TEAD1: variants seen among roughly 807,000 people sequenced by gnomAD.
TEAD1 encodes TEA domain transcription factor 1.
In TEAD1, 9 loss-of-function variants were observed where a neutral mutation model predicts 54.9. The ratio of observed to expected loss-of-function variants is 0.16; its 90% CI spans 0.10 to 0.29. The LOEUF is 0.29. Ranked by LOEUF, TEAD1 falls within the 10% of genes least tolerant of loss-of-function variation. TEAD1 has a pLI of 1.00. For synonymous variants in TEAD1, 200 were observed against 187.8 expected, an observed-to-expected ratio of 1.07 and a Z score of -0.53; for missense variants, 387 against 535.9, an observed-to-expected ratio of 0.72 and a Z score of 2.74.
At chr11:12,918,750 C>T (rs1253819630) in intron 10 of TEAD1, among the ~76,000 whole-genome samples, 2 of 152,124 alleles carry the variant, frequency 1.3e-5, no homozygotes, top group Non-Finnish European at 2.9e-5. Context: ...GCAAATGTCC[C>T]TAAGTAATAG....
intron 2 of TEAD1, among the ~76,000 whole-genome samples, chr11:12,735,718 A>G (rs944888825): frequency 1.3e-5 from 2 of 152,010 alleles, no homozygotes; most frequent in South Asian, 2.1e-4. Flanking sequence ...CATGATTTCT[A>G]TACATATATC....
At chr11:12,684,399 T>C (rs1331323714) in intron 2 of TEAD1, among the ~76,000 whole-genome samples, 1 of 152,138 alleles carries the variant, frequency 6.6e-6, no homozygotes, top group Non-Finnish European at 1.5e-5. Context: ...TGGGGTTGGG[T>C]TGTAAAAGTT....
intron 3 of TEAD1, among the ~76,000 whole-genome samples, chr11:12,811,915 C>T (rs1190868324): frequency 2.0e-5 from 3 of 151,974 alleles, no homozygotes; most frequent in African/African-American, 4.8e-5. Flanking sequence ...TGTTGTAGAT[C>T]GAACTTCTCC....
chr11:12,868,856 T>C (rs553768960), intron 5 of TEAD1, among the ~76,000 whole-genome samples: 134 of 90,678 alleles, frequency 1.5e-3, no homozygotes, highest in African/African-American at 3.7e-3. Flanking sequence ...TTTCTGTTAT[T>C]TTTCCAGTAG....
chr11:12,821,084 G>C (rs1397315110), intron 3 of TEAD1, among the ~76,000 whole-genome samples: 1 of 152,172 alleles, frequency 6.6e-6, no homozygotes, highest in Non-Finnish European at 1.5e-5. Flanking sequence ...TCCAGCTGCT[G>C]TCCAGGCCTT....
At chr11:12,752,041 C>T (rs913298527) in intron 2 of TEAD1, among the ~76,000 whole-genome samples, 3 of 152,172 alleles carry the variant, frequency 2.0e-5, no homozygotes, top group Non-Finnish European at 2.9e-5. Flanking sequence ...GCGTCTTCCA[C>T]ATCCTTGCAT....
At chr11:12,923,276 T>C (rs1481118946) in intron 10 of TEAD1, among the ~76,000 whole-genome samples, 1 of 152,160 alleles carries the variant, frequency 6.6e-6, no homozygotes, top group East Asian at 1.9e-4. Context: ...AGCGCTTCTT[T>C]CTGGCTCTGT....
At chr11:12,705,492 C>T (rs974496125) in intron 2 of TEAD1, among the ~76,000 whole-genome samples, 2 of 152,114 alleles carry the variant, frequency 1.3e-5, no homozygotes, top group Admixed American at 6.5e-5. Flanking sequence ...GGGTGTGGCA[C>T]CTGTCACCAT....
chr11:12,684,807 C>A (rs1232439732), intron 2 of TEAD1, among the ~76,000 whole-genome samples: 1 of 152,234 alleles, frequency 6.6e-6, no homozygotes, highest in Non-Finnish European at 1.5e-5. Context: ...GACTCGCTTC[C>A]TCTGGGCCTT....
intron 2 of TEAD1, among the ~76,000 whole-genome samples, chr11:12,753,313 C>T (rs754695333): frequency 4.6e-5 from 7 of 152,148 alleles, no homozygotes; most frequent in Non-Finnish European, 7.4e-5. Context: ...AGGAGGTATG[C>T]ATATAATCAG....
chr11:12,905,887 TG>T (rs1435687623), intron 10 of TEAD1, among the ~76,000 whole-genome samples: 1 of 152,190 alleles, frequency 6.6e-6, no homozygotes, highest in Non-Finnish European at 1.5e-5. Flanking sequence ...GTGAGGGGTT[TG>T]CTATGGAAGA....
At chr11:12,687,641 A>G (rs964558106) in intron 2 of TEAD1, among the ~76,000 whole-genome samples, 3 of 151,880 alleles carry the variant, frequency 2.0e-5, no homozygotes, top group Non-Finnish European at 4.4e-5. Context: ...CATTTAGTGT[A>G]TTTGCCCAGA....
intron 10 of TEAD1, among the ~76,000 whole-genome samples, chr11:12,924,698 C>T (rs942704311): frequency 6.6e-6 from 1 of 152,110 alleles, no homozygotes; most frequent in African/African-American, 2.4e-5. Flanking sequence ...AAAATTGATA[C>T]TTGTAGCATG....
chr11:12,722,115 C>T (rs1944215659), intron 2 of TEAD1, among the ~76,000 whole-genome samples: 2 of 152,200 alleles, frequency 1.3e-5, no homozygotes, highest in Non-Finnish European at 2.9e-5. Flanking sequence ...ATATTCACAC[C>T]AGGCTGGAAG....
At chr11:12,914,627 A>G (rs550664826) in intron 10 of TEAD1, among the ~76,000 whole-genome samples, 69 of 152,366 alleles carry the variant, frequency 4.5e-4, no homozygotes, top group African/African-American at 1.7e-3. Flanking sequence ...TCTTAGCCAG[A>G]AGGCACTTGC....
At chr11:12,750,560 C>G (rs1164085836) in intron 2 of TEAD1, among the ~76,000 whole-genome samples, 2 of 152,160 alleles carry the variant, frequency 1.3e-5, no homozygotes, top group Non-Finnish European at 2.9e-5. Flanking sequence ...GACAGACAGA[C>G]AGACAGACAC....
chr11:12,707,092 G>GA (rs1321397667), intron 2 of TEAD1, among the ~76,000 whole-genome samples: 1 of 148,230 alleles, frequency 6.7e-6, no homozygotes, highest in African/African-American at 2.5e-5. Flanking sequence ...AGGCTTAAGG[G>GA]AAAGAAATAG....
intron 12 of TEAD1, among the ~76,000 whole-genome samples, chr11:12,934,304 C>T (rs771720718): frequency 1.2e-4 from 18 of 152,014 alleles, no homozygotes; most frequent in Admixed American, 2.6e-4. Context: ...AACCAAACAC[C>T]GCATGTTCTC....
intron 3 of TEAD1, among the ~76,000 whole-genome samples, chr11:12,852,335 C>T (rs895791344): frequency 3.3e-5 from 5 of 152,068 alleles, no homozygotes; most frequent in African/African-American, 1.2e-4. Context: ...AGACAAATGC[C>T]TGCAAGATGA....
Sources: allele counts gnomAD v4.1 joint callset (sites outside exome capture counted in the v4.1 genomes callset), GRCh38; gene constraint gnomAD v4.1.1; transcripts MANE v1.5; gene names NCBI Gene and HGNC (gene_info 2026-07-23, HGNC 2026-07-21).